ASIC2: variants seen among roughly 807,000 people sequenced by gnomAD.
ASIC2 encodes acid sensing ion channel subunit 2.
ASIC2 carries 25 observed loss-of-function variants against 57.3 expected under a neutral mutation model. The observed-to-expected ratio is 0.44, with a 90% CI of 0.32 to 0.61. The LOEUF (loss-of-function observed/expected upper bound fraction) is 0.61, where lower values mean the gene tolerates loss of function less well. Among genes scored for constraint, ASIC2 ranks in the 20% least tolerant of loss-of-function variants. ASIC2 has a pLI of 0.06. For synonymous variants in ASIC2, 319 were observed against 307.5 expected (o/e 1.04, Z -0.39); for missense variants, 641 against 738.1 (o/e 0.87, Z 1.52).
intron 1 of ASIC2, among the ~76,000 whole-genome samples, chr17:33,599,160 T>C (rs1459182311): frequency 6.6e-6 from 1 of 152,200 alleles, no homozygotes; most frequent in Non-Finnish European, 1.5e-5. Flanking sequence ...TTGAGACACA[T>C]AAGAAATATT....
intron 1 of ASIC2, among the ~76,000 whole-genome samples, chr17:33,132,982 A>G (rs1185133675): frequency 6.6e-6 from 1 of 152,206 alleles, no homozygotes; most frequent in African/African-American, 2.4e-5. Context: ...ATGAACAATA[A>G]ATGGTTTCTA....
At chr17:33,179,808 T>TTA (rs1304605285) in intron 1 of ASIC2, among the ~76,000 whole-genome samples, 2 of 152,236 alleles carry the variant, frequency 1.3e-5, no homozygotes, top group Non-Finnish European at 2.9e-5. Context: ...AAATGGCCCT[T>TTA]TCGTTCTAAC....
intron 4 of ASIC2, 88 bp from the exon 5 acceptor site, chr17:33,026,070 G>T: frequency 6.8e-7 from 1 of 1,465,010 alleles, no homozygotes; most frequent in Non-Finnish European, 9.4e-7. Context: ...AGGGAAAGGG[G>T]TGCCTCCTGG....
intron 1 of ASIC2, among the ~76,000 whole-genome samples, chr17:33,861,414 T>A (rs993849195): frequency 1.3e-5 from 2 of 152,226 alleles, no homozygotes; most frequent in Non-Finnish European, 2.9e-5. Flanking sequence ...TCCTTAATTT[T>A]GAAATTCATG....
At chr17:33,508,414 G>A (rs140179637) in intron 1 of ASIC2, among the ~76,000 whole-genome samples, 44 of 152,252 alleles carry the variant, frequency 2.9e-4, no homozygotes, top group African/African-American at 8.2e-4. Context: ...GTGTGACAGC[G>A]TTATCTCGGG....
At chr17:33,870,234 T>TG (rs1914362853) in intron 1 of ASIC2, among the ~76,000 whole-genome samples, 1 of 133,872 alleles carries the variant, frequency 7.5e-6, no homozygotes, top group Non-Finnish European at 1.6e-5. Context: ...GTTTTTTTTT[T>TG]TTTTTTTTTT....
intron 1 of ASIC2, among the ~76,000 whole-genome samples, chr17:33,837,409 A>G (rs1215675331): frequency 1.3e-5 from 2 of 152,254 alleles, no homozygotes; most frequent in Non-Finnish European, 1.5e-5. Context: ...ATAATGGTAT[A>G]GATACCCAGA....
At chr17:33,799,370 C>CTTCCTTTCTTTCTTTCTTTCTTTCT (rs1912019190) in intron 1 of ASIC2, among the ~76,000 whole-genome samples, 1 of 109,878 alleles carries the variant, frequency 9.1e-6, no homozygotes, top group African/African-American at 3.6e-5. Flanking sequence ...TTCTTTCTTT[C>CTTCCTTTCTTTCTTTCTTTCTTTCT]TTTCTTCCTT....
intron 1 of ASIC2, among the ~76,000 whole-genome samples, chr17:33,123,760 T>C (rs1444622939): frequency 6.6e-6 from 1 of 152,216 alleles, no homozygotes; most frequent in Non-Finnish European, 1.5e-5. Flanking sequence ...GTGAGTGTGC[T>C]TTATGCCTGG....
intron 1 of ASIC2, among the ~76,000 whole-genome samples, chr17:33,620,288 C>G (rs1020613626): frequency 2.1e-4 from 31 of 150,986 alleles, no homozygotes; most frequent in African/African-American, 7.6e-4. Context: ...CATACTACAC[C>G]TCTATTAATA....
intron 1 of ASIC2, among the ~76,000 whole-genome samples, chr17:33,398,275 G>A (rs1039794650): frequency 5.3e-5 from 8 of 152,168 alleles, no homozygotes; most frequent in South Asian, 4.2e-4. Flanking sequence ...AATGGGCCCC[G>A]GAATATAGCA....
intron 1 of ASIC2, among the ~76,000 whole-genome samples, chr17:33,403,267 A>G (rs1045848308): frequency 6.6e-6 from 1 of 151,632 alleles, no homozygotes. Flanking sequence ...TACACTCACA[A>G]TATATTAATA....
At chr17:33,615,803 A>G (rs139720796) in intron 1 of ASIC2, among the ~76,000 whole-genome samples, 1 of 152,320 alleles carries the variant, frequency 6.6e-6, no homozygotes, top group African/African-American at 2.4e-5. Flanking sequence ...TGGTACATTA[A>G]TAACTCTTGA....
chr17:33,747,191 G>C (rs1314781926), intron 1 of ASIC2, among the ~76,000 whole-genome samples: 1 of 150,008 alleles, frequency 6.7e-6, no homozygotes, highest in Non-Finnish European at 1.5e-5. Context: ...TGCAGGGCAC[G>C]TGACACAAAA....
intron 3 of ASIC2, among the ~76,000 whole-genome samples, chr17:33,068,665 A>G (rs894115314): frequency 1.3e-5 from 2 of 152,238 alleles, no homozygotes; most frequent in Non-Finnish European, 2.9e-5. Flanking sequence ...GTTTTCTTAT[A>G]TCACCCTTTG....
chr17:33,436,761 G>A (rs1911623131), intron 1 of ASIC2, among the ~76,000 whole-genome samples: 5 of 151,626 alleles, frequency 3.3e-5, no homozygotes, highest in Admixed American at 3.3e-4. Context: ...TTCTGTACGA[G>A]GGTGATAGGG....
chr17:33,537,283 C>T (rs1327192102), intron 1 of ASIC2, among the ~76,000 whole-genome samples: 1 of 152,104 alleles, frequency 6.6e-6, no homozygotes, highest in Non-Finnish European at 1.5e-5. Context: ...GCCTCAAATG[C>T]TCTTCCCCTT....
At chr17:33,424,210 G>T (rs1911139111) in intron 1 of ASIC2, among the ~76,000 whole-genome samples, 1 of 152,108 alleles carries the variant, frequency 6.6e-6, no homozygotes, top group Non-Finnish European at 1.5e-5. Context: ...TGCCCCCAAG[G>T]GTTATACGTT....
At chr17:33,077,435 G>T (rs2092093439) in intron 3 of ASIC2, among the ~76,000 whole-genome samples, 1 of 152,084 alleles carries the variant, frequency 6.6e-6, no homozygotes, top group Admixed American at 6.6e-5. Flanking sequence ...CCTTCAAAGG[G>T]TATTCTCTCA....
Sources: allele counts gnomAD v4.1 joint callset (sites outside exome capture counted in the v4.1 genomes callset), GRCh38; gene constraint gnomAD v4.1.1; transcripts MANE v1.5; gene names NCBI Gene and HGNC (gene_info 2026-07-23, HGNC 2026-07-21).